The following ITSN1 variants were observed in gnomAD, a reference collection of about 807,000 sequenced individuals.
ITSN1 encodes the protein intersectin-1.
A neutral mutation model predicts 239.8 loss-of-function variants in ITSN1; 58 were observed. That is an observed-to-expected ratio of 0.24 (90% confidence interval 0.20 to 0.30). The LOEUF (loss-of-function observed/expected upper bound fraction) is 0.30. ITSN1 is among the 10% of genes least tolerant of loss of function. The pLI, the probability that ITSN1 is intolerant of heterozygous loss-of-function variation, is 1.00. For missense variants in ITSN1, 1,558 were observed against 2,103.3 expected (o/e 0.74, Z 5.07); for synonymous variants, 780 against 770.8 (o/e 1.01, Z -0.20).
chr21:33,684,756 G>T (rs532827188), intron 1 of ITSN1, among the ~76,000 whole-genome samples: 17 of 152,036 alleles, frequency 1.1e-4, no homozygotes, highest in Non-Finnish European at 4.4e-5. Context: ...TCTAGAGTAG[G>T]TAATTTCCTA....
intron 20 of ITSN1, among the ~76,000 whole-genome samples, chr21:33,807,438 A>C (rs2072545987): frequency 6.6e-6 from 1 of 152,192 alleles, no homozygotes; most frequent in Non-Finnish European, 1.5e-5. Context: ...CCCGGGTTCA[A>C]GCAGTTGTCC....
chr21:33,804,874 A>G (rs1446889011), intron 20 of ITSN1, among the ~76,000 whole-genome samples: 8 of 152,236 alleles, frequency 5.3e-5, no homozygotes, highest in African/African-American at 1.9e-4. Context: ...CTTGCAAAAA[A>G]AACTCATAAT....
rs759044867 is a variant in ITSN1 at position 33,882,466 on chromosome 21, T to G, written c.4554+11T>G. 10 of 1,609,360 alleles carry G rather than the reference T, an allele frequency of 6.2e-6. No homozygotes were observed. Among genetic ancestry groups the G allele is most frequent in the Non-Finnish European group, 8.5e-6 (10 of 1,177,088 alleles). On this transcript the variant is annotated intron_variant, in intron 35 of 39. Coordinates refer to ENST00000381318, the MANE Select transcript of ITSN1 (RefSeq NM_003024.3). This position sits in a 1 kb window ranked among gnomAD's most constrained non-coding sequence, Gnocchi z 4.5. ...AAAATGTATAAAACAGTAAGTTGGA[T>G]TCTAGATTTTGCATTATCAGGGTTG...
At chr21:33,659,278 C>G (rs746209206) in intron 1 of ITSN1, among the ~76,000 whole-genome samples, 6 of 152,300 alleles carry the variant, frequency 3.9e-5, no homozygotes, top group Middle Eastern at 6.8e-3. Context: ...TTCCTCTCCC[C>G]CATGCTTTGT....
intron 1 of ITSN1, among the ~76,000 whole-genome samples, chr21:33,659,035 G>A (rs1224637804): frequency 1.3e-5 from 2 of 152,152 alleles, no homozygotes; most frequent in Non-Finnish European, 2.9e-5. Context: ...TGCAGGATTG[G>A]AGGGTTGGAA....
intron 1 of ITSN1, among the ~76,000 whole-genome samples, chr21:33,704,638 T>G (rs1423698229): frequency 6.6e-6 from 1 of 152,134 alleles, no homozygotes; most frequent in Non-Finnish European, 1.5e-5. Flanking sequence ...TTTCCATTCG[T>G]TATTATAAGC....
chr21:33,773,659 G>C (rs1042117015), intron 12 of ITSN1, among the ~76,000 whole-genome samples: 1 of 151,660 alleles, frequency 6.6e-6, no homozygotes, highest in Non-Finnish European at 1.5e-5. Flanking sequence ...AAAAAAGAAA[G>C]AAACAAAACT....
At chr21:33,705,274 G>T (rs1297594388) in intron 1 of ITSN1, among the ~76,000 whole-genome samples, 1 of 151,978 alleles carries the variant, frequency 6.6e-6, no homozygotes. Context: ...AGATATTAAG[G>T]TTTATTTTTA....
intron 20 of ITSN1, 140 bp downstream of exon 20, chr21:33,802,584 T>A: frequency 1.3e-6 from 1 of 763,044 alleles, no homozygotes; most frequent in Non-Finnish European, 2.1e-6. Flanking sequence ...TGTAGTAGGT[T>A]GTGCTTTTTA....
intron 20 of ITSN1, among the ~76,000 whole-genome samples, chr21:33,810,592 C>T (rs145035231): frequency 2.6e-4 from 39 of 152,136 alleles, no homozygotes; most frequent in Non-Finnish European, 4.9e-4. Context: ...TTGCTTTCAA[C>T]TTTAAGTAAT....
intron 8 of ITSN1, among the ~76,000 whole-genome samples, chr21:33,757,881 T>C (rs1473049579): frequency 6.6e-6 from 1 of 152,248 alleles, no homozygotes; most frequent in African/African-American, 2.4e-5. Flanking sequence ...AGCACTTCTT[T>C]TCTTTCTTTT....
intron 29 of ITSN1, among the ~76,000 whole-genome samples, chr21:33,849,017 G>A (rs1343125128): frequency 4.6e-5 from 7 of 152,202 alleles, no homozygotes; most frequent in Admixed American, 3.9e-4. Flanking sequence ...GAGGCGGGCG[G>A]ATCACCTGAA....
At chr21:33,722,731 TTTC>T in intron 4 of ITSN1, 80 bp downstream of exon 4, 1 of 1,324,894 alleles carries the variant, frequency 7.5e-7, no homozygotes, top group African/African-American at 1.5e-5. Context: ...GGTAATATGA[TTTC>T]TTATGTTATA....
chr21:33,709,061 A>T (rs925120238), intron 1 of ITSN1, among the ~76,000 whole-genome samples: 3 of 152,154 alleles, frequency 2.0e-5, no homozygotes, highest in Non-Finnish European at 4.4e-5. Context: ...TTTTATAGTA[A>T]ATCTTGAAAT....
chr21:33,834,142 G>A (rs2074464912), intron 27 of ITSN1, among the ~76,000 whole-genome samples, 165 bp from the exon 28 acceptor site: 1 of 152,174 alleles, frequency 6.6e-6, no homozygotes, highest in Non-Finnish European at 1.5e-5. Context: ...TGAATTTTTA[G>A]CTATGGTGTT....
chr21:33,867,249 C>T lies in ITSN1; in HGVS notation c.4091C>T (p.Pro1364Leu), dbSNP rs1476149405. ...KEFVKRLAMD[P>L]RCKGMPLSSF... Reference sequence around the variant, plus strand: ...TCATTTCAGAGATTGGCAATGGATCCTCGGTGTAAAGGGATGCCACTCTCT... The same window carrying T: ...TCATTTCAGAGATTGGCAATGGATCTTCGGTGTAAAGGGATGCCACTCTCT... Residue 1364 changes from proline (P) to leucine (L), a missense_variant, in exon 33 of 40, where the codon CCT (proline) becomes CTT (leucine). Pro to Leu is a moderately conservative substitution (Grantham distance 98). Coordinates refer to ENST00000381318, the MANE Select transcript of ITSN1 (RefSeq NM_003024.3). 3 of 1,607,242 alleles carry T rather than the reference C, an allele frequency of 1.9e-6. No homozygotes were observed. The highest frequency in any genetic ancestry group is 2.6e-6 in the Non-Finnish European group (3 of 1,174,018).
intron 11 of ITSN1, among the ~76,000 whole-genome samples, chr21:33,768,516 A>G (rs1296042416): frequency 1.3e-5 from 2 of 152,094 alleles, no homozygotes; most frequent in Non-Finnish European, 2.9e-5. Flanking sequence ...CCTGACCTCA[A>G]GTGATCCACC....
intron 29 of ITSN1, chr21:33,838,182 T>G (rs1029371210): frequency 4.1e-6 from 4 of 985,322 alleles, no homozygotes; most frequent in Non-Finnish European, 4.8e-6. Context: ...AAATGCCTGC[T>G]GCTCACAGCA....
intron 36 of ITSN1, among the ~76,000 whole-genome samples, chr21:33,883,944 G>A (rs1470007943): frequency 7.3e-6 from 1 of 137,924 alleles, no homozygotes; most frequent in East Asian, 2.2e-4. Context: ...CTGTCACCCA[G>A]GCTGGAGTGC....
Sources: allele counts gnomAD v4.1 joint callset (sites outside exome capture counted in the v4.1 genomes callset), GRCh38; gene constraint gnomAD v4.1.1; non-coding constraint Gnocchi (gnomAD v3.1); transcripts MANE v1.5; gene names NCBI Gene and HGNC (gene_info 2026-07-23, HGNC 2026-07-21).